Variants in LBR observed in about 807,000 individuals in gnomAD.
LBR encodes delta(14)-sterol reductase LBR.
A neutral mutation model predicts 74.3 loss-of-function variants in LBR; 28 were observed. The observed-to-expected ratio is 0.38, with a 90% CI of 0.28 to 0.52. The LOEUF is 0.52. LBR is among the 20% of genes least tolerant of loss of function. The pLI is 0.89. For synonymous variants in LBR, 228 were observed against 269.3 expected, an observed-to-expected ratio of 0.85 and a Z score of 1.50; for missense variants, 717 against 760.3, an observed-to-expected ratio of 0.94 and a Z score of 0.67.
At chr1:225,407,941 G>T (rs1429961491) in intron 10 of LBR, among the ~76,000 whole-genome samples, 1 of 151,906 alleles carries the variant, frequency 6.6e-6, no homozygotes, top group Non-Finnish European at 1.5e-5. Flanking sequence ...ATATTTATGG[G>T]GTACACAGTG....
chr1:225,405,989 C>T (rs1454162564), intron 11 of LBR, among the ~76,000 whole-genome samples: 2 of 152,122 alleles, frequency 1.3e-5, no homozygotes, highest in African/African-American at 4.8e-5. Flanking sequence ...GAAAATTCAT[C>T]CTGAAGTAAA....
chr1:225,417,726 G>T, intron 6 of LBR: 2 of 330,492 alleles, frequency 6.1e-6, no homozygotes. Context: ...TTTTTTTTAA[G>T]TTCCTCCTAA....
At chr1:225,425,895 A>G (rs1194779743) in intron 1 of LBR, among the ~76,000 whole-genome samples, 1 of 152,190 alleles carries the variant, frequency 6.6e-6, no homozygotes, top group Non-Finnish European at 1.5e-5. Flanking sequence ...GTTTTAAAAG[A>G]CCCTTGAACA....
intron 8 of LBR, among the ~76,000 whole-genome samples, chr1:225,412,192 CTG>C (rs1277589780): frequency 2.0e-5 from 3 of 152,128 alleles, no homozygotes; most frequent in Non-Finnish European, 4.4e-5. Flanking sequence ...GTCAAAATGC[CTG>C]TAAGTTTACT....
intron 11 of LBR, 188 bp downstream of exon 11, chr1:225,406,476 G>A (rs947691144): frequency 1.8e-6 from 1 of 556,652 alleles, no homozygotes. Context: ...GTACTACTGA[G>A]AACCCAAGTA....
Position 225,428,010 on chromosome 1 carries a change from C to G in LBR, c.-71G>C, listed in dbSNP as rs886046055. The stretch of plus-strand genomic sequence containing the variant: ...CTCCCGGAGAATAGTCGCACAGCAA[C>G]CCGGCGGCAGATCCACGCGCGCGAC... On this transcript the variant is annotated 5_prime_UTR_variant, in exon 1 of 14. Transcript: ENST00000272163. 6.6e-6 allele frequency: 1 copy of G among 152,116 alleles called. No individual in the cohort carries two copies. Among genetic ancestry groups the G allele is most frequent in the African/African-American group, 2.4e-5 (1 of 41,412 alleles). 9.4% of individuals were successfully genotyped at this position (152,116 alleles called of 1,614,324 possible).
Position 225,422,069 on chromosome 1 carries a change from A to C in LBR, c.366+8T>G. The C allele has an allele frequency of 6.2e-7, 1 of 1,613,364 alleles. No individual in the cohort carries two copies. The highest frequency in any genetic ancestry group is 8.5e-7 in the Non-Finnish European group (1 of 1,179,542). Reference sequence around the variant, plus strand: ...GACAAAAGGCTGTATAAGGATAAACACAAGTACCAGAATCAGCGGAGTCAA... The same window carrying C: ...GACAAAAGGCTGTATAAGGATAAACCCAAGTACCAGAATCAGCGGAGTCAA... On this transcript the variant is annotated splice_region_variant and intron_variant, in intron 3 of 13. Coordinates refer to ENST00000272163, the MANE Select transcript of LBR (RefSeq NM_002296.4).
chr1:225,412,209 G>A (rs531769905), intron 8 of LBR, among the ~76,000 whole-genome samples: 3 of 152,242 alleles, frequency 2.0e-5, no homozygotes, highest in African/African-American at 7.2e-5. Context: ...TTTACTAAAC[G>A]TCTTACTGTC....
intron 7 of LBR, among the ~76,000 whole-genome samples, chr1:225,414,673 T>C (rs767376690): frequency 2.0e-5 from 3 of 152,170 alleles, no homozygotes; most frequent in Non-Finnish European, 4.4e-5. Context: ...AGTGTCACAA[T>C]GAACATAGCC....
chr1:225,419,509 C>A, intron 4 of LBR, 57 bp from the exon 5 acceptor site: 40 of 1,176,156 alleles, frequency 3.4e-5, no homozygotes, highest in Non-Finnish European at 5.1e-5. Context: ...ATTAATGCTA[C>A]TGCATTAACT....
At position 225,415,957 on chromosome 1, in the gene LBR, C is replaced by G. The variant is rs143851421; in HGVS notation, c.838-625G>C. Reference sequence around the variant, plus strand: ...GTGACTCATGCCTGTAATCCCAGCACTTTGAGAGGTCAAGGTGGGAGGATC... The same window carrying G: ...GTGACTCATGCCTGTAATCCCAGCAGTTTGAGAGGTCAAGGTGGGAGGATC... On this transcript the variant is annotated intron_variant, in intron 6 of 13. Transcript: ENST00000272163. 1.9e-3 allele frequency among the ~76,000 whole-genome samples: 290 copies of G among 152,206 alleles called. 1 individual carries two copies. The highest frequency in any genetic ancestry group is 6.6e-3 in the African/African-American group (275 of 41,502).
At chr1:225,411,575 G>C (rs2096105730) in intron 8 of LBR, 135 bp from the exon 9 acceptor site, 2 of 735,956 alleles carry the variant, frequency 2.7e-6, no homozygotes, top group Non-Finnish European at 5.0e-6. Flanking sequence ...GGTGGTGAGA[G>C]GCAGACAGGA....
rs780983309 is a variant in LBR, at chr1:225,406,700, A to C, written c.1447T>G (p.Ser483Ala). ...FYLVSHPNEV[S>A]WPMASLIIVL... ...ATAATTAGAGAAGCCATTGGCCAAG[A>C]CACTTCATTTGGATGACTGACTAAA... Residue 483 changes from serine to alanine, a missense_variant, in exon 11 of 14, where the codon TCT becomes GCT. Coordinates refer to ENST00000272163, the MANE Select transcript of LBR (RefSeq NM_002296.4). The C allele has an allele frequency of 7.4e-6, 12 of 1,613,652 alleles. No individual in the cohort carries two copies. The highest frequency in any genetic ancestry group is 1.0e-5 in the Non-Finnish European group (12 of 1,179,936).
At chr1:225,424,163 T>C in intron 1 of LBR, 74 bp from the exon 2 acceptor site, 1 of 1,133,730 alleles carries the variant, frequency 8.8e-7, no homozygotes, top group Non-Finnish European at 1.3e-6. Flanking sequence ...CACAGGCTGA[T>C]CACTAAAATA....
At chr1:225,419,543 T>C (rs2150956074) in intron 4 of LBR, 91 bp from the exon 5 acceptor site, 2 of 993,680 alleles carry the variant, frequency 2.0e-6, no homozygotes, top group East Asian at 2.5e-5. Context: ...AATACAGCTA[T>C]ACACTAGTAA....
chr1:225,409,053 T>C (rs1167960685), intron 10 of LBR, among the ~76,000 whole-genome samples: 1 of 152,244 alleles, frequency 6.6e-6, no homozygotes, highest in Non-Finnish European at 1.5e-5. Flanking sequence ...ATTCATTCTA[T>C]AACAGCAAAC....
At position 225,404,607 on chromosome 1, in the gene LBR, A is replaced by G; in HGVS notation, c.1564+19T>C. The G allele has an allele frequency of 6.3e-7, 1 of 1,589,628 alleles. No individual in the cohort carries two copies. Among genetic ancestry groups the G allele is most frequent in the Non-Finnish European group, 8.6e-7 (1 of 1,161,432 alleles). On this transcript the variant is annotated intron_variant, in intron 12 of 13. Coordinates refer to ENST00000272163, the MANE Select transcript of LBR (RefSeq NM_002296.4). ...ACCTTCATGTAATATATATAATATA[A>G]ACATAAATCAATACTTACGTGCAAG...
chr1:225,420,778 CAA>C (rs60369092), intron 3 of LBR, among the ~76,000 whole-genome samples: 43 of 114,958 alleles, frequency 3.7e-4, no homozygotes, highest in Admixed American at 7.1e-4. Flanking sequence ...CCACATTCTC[CAA>C]AAAAAAAAAA....
intron 7 of LBR, among the ~76,000 whole-genome samples, chr1:225,414,716 A>G (rs78159134): frequency 3.2e-4 from 48 of 152,342 alleles, no homozygotes; most frequent in Admixed American, 9.1e-4. Flanking sequence ...ATTCTAGTGG[A>G]GAGACCCTAA....
Sources: gnomAD v4.1 joint callset for allele counts (sites outside exome capture counted in the v4.1 genomes callset) on GRCh38, gnomAD v4.1.1 for gene constraint, MANE v1.5 for transcripts, NCBI Gene and HGNC (gene_info 2026-07-23, HGNC 2026-07-21) for gene names.